Variants in PSG5 observed in about 807,000 individuals in gnomAD.
PSG5 encodes the protein pregnancy-specific beta-1-glycoprotein 5.
Under a neutral mutation model 37.7 loss-of-function variants are expected in PSG5, and 53 were observed. The ratio of observed to expected loss-of-function variants is 1.41; its 90% CI spans 1.13 to 1.77. The LOEUF is 1.77. Ranked by LOEUF, PSG5 falls within the 40% of genes most tolerant of loss-of-function variation. PSG5 has a pLI of 0.00. For synonymous variants in PSG5, 221 were observed against 155.4 expected, an observed-to-expected ratio of 1.42 and a Z score of -3.14; for missense variants, 547 against 405.2, an observed-to-expected ratio of 1.35 and a Z score of -3.00.
rs1411484285 is a variant in PSG5, at chr19:43,185,131, GA to G, written c.80del (p.Phe27SerfsTer46). The G allele has an allele frequency of 6.2e-6, 10 of 1,607,056 alleles. No homozygotes were observed. Among genetic ancestry groups the G allele is most frequent in the Non-Finnish European group, 7.7e-6 (9 of 1,176,128 alleles). ...GLLLTASLLNFWNLPITAQVT... is the reference protein window; with the variant it reads ...GLLLTASLLNXWNLPITAQVT... ...CTTGAGCAGTGATAGGCAGGTTCCAGAAGTTTAAAAGTGATGCTAGGAGGTG... is the reference window on the plus strand; with the variant it reads ...CTTGAGCAGTGATAGGCAGGTTCCAGAGTTTAAAAGTGATGCTAGGAGGTG... On this transcript the variant is annotated frameshift_variant, in exon 2 of 6. Transcript: ENST00000342951. LOFTEE classifies it high-confidence loss of function.
rs761661335 is a variant in PSG5, at chr19:43,168,397, C to T, written c.*41-194G>A. On this transcript the variant is annotated intron_variant, in intron 5 of 5. Transcript: ENST00000342951. ...AAAATTTTTTTTTTTGAAATGGAGTCTCACTCTGTCACCCAGGCTGGAGTG... is the reference window on the plus strand; with the variant it reads ...AAAATTTTTTTTTTTGAAATGGAGTTTCACTCTGTCACCCAGGCTGGAGTG... Among the ~76,000 whole-genome samples the T allele has an allele frequency of 1.4e-3, 213 of 151,036 alleles. 5 individuals are homozygous for T. Among genetic ancestry groups the T allele is most frequent in the Non-Finnish European group, 1.9e-3 (132 of 67,768 alleles).
At chr19:43,176,296 C>T in intron 2 of PSG5, 148 bp from the exon 3 acceptor site, 3 of 1,410,214 alleles carry the variant, frequency 2.1e-6, no homozygotes, top group Non-Finnish European at 2.9e-6. Flanking sequence ...AAGATAGATG[C>T]ATGATGATCT....
At chr19:43,181,925 A>G (rs1282782085) in intron 2 of PSG5, among the ~76,000 whole-genome samples, 1 of 151,704 alleles carries the variant, frequency 6.6e-6, no homozygotes, top group East Asian at 1.9e-4. Context: ...TGGAGTCACG[A>G]GTGAAACAGT....
rs2883677 is a variant in PSG5, at chr19:43,169,566, C to G, written c.*40+489G>C. Among the ~76,000 whole-genome samples, 28 of 151,674 alleles carry G rather than the reference C, an allele frequency of 1.8e-4. No individual in the cohort carries two copies. The East Asian group carries it at 2.9e-3, about 16-fold the overall frequency. On this transcript the variant is annotated intron_variant, in intron 5 of 5. Coordinates refer to ENST00000342951, the MANE Select transcript of PSG5 (RefSeq NM_002781.4). ...GAGGTAAAGGAAGTGAGAAGGCTTA[C>G]TAAATAGAAGAAATGTGAACTTATC...
At chr19:43,175,568 A>G (rs1599747493) in intron 3 of PSG5, 99 bp from the exon 4 acceptor site, 1 of 1,498,544 alleles carries the variant, frequency 6.7e-7, no homozygotes, top group East Asian at 2.3e-5. Context: ...GCCAAGACAC[A>G]CCCTCAAGTC....
chr19:43,186,339 C>T lies in PSG5; in HGVS notation c.64+3G>A. 6.2e-7 allele frequency: 1 copy of T among 1,612,198 alleles called. No homozygotes were observed. The highest frequency in any genetic ancestry group is 8.5e-7 in the Non-Finnish European group (1 of 1,178,856). On this transcript the variant is annotated splice_donor_region_variant and intron_variant, in intron 1 of 5. Coordinates refer to ENST00000342951, the MANE Select transcript of PSG5 (RefSeq NM_002781.4). ...GTCCTCTCCCAGGAAGTTCTCTCCT[C>T]ACCTGTGAGCAGGAGCCCCTTCCAG...
chr19:43,175,380 G>A lies in PSG5; in HGVS notation c.799C>T (p.Pro267Ser). The stretch of plus-strand genomic sequence containing the variant: ...ATTGTCCAAAAATACTCTGCCGGTG[G>A]GTTAGATTCCGCGAAGCAGGACAAG... ...LYLSCFAESN[P>S]PAEYFWTING... The change falls in exon 4 of 6, where the codon CCA (proline) becomes TCA (serine). Residue 267 changes from proline (P) to serine (S), a missense_variant. By Grantham distance (74) the Pro-to-Ser change is moderately conservative (BLOSUM62 -1). Transcript: ENST00000342951. 1 of 1,612,856 alleles carries A rather than the reference G, an allele frequency of 6.2e-7. No homozygotes were observed. The highest frequency in any genetic ancestry group is 1.1e-5 in the South Asian group (1 of 91,060).
At chr19:43,184,761 G>A (rs763920367) in intron 2 of PSG5, 21 bp downstream of exon 2, 2 of 1,611,768 alleles carry the variant, frequency 1.2e-6, no homozygotes, top group Non-Finnish European at 1.7e-6. Context: ...CAACACCCAG[G>A]GATCATGTGG....
In PSG5 at chr19:43,185,710, G is replaced by C. The variant is rs1228758419; in HGVS notation, c.65-563C>G. On this transcript the variant is annotated intron_variant, in intron 1 of 5. Coordinates refer to ENST00000342951, the MANE Select transcript of PSG5 (RefSeq NM_002781.4). ...GCTGCAGACTCCTGCAGATGTGAGAGTTCTCAGGGCCCTCCACACCCTTGG... is the reference window on the plus strand; with the variant it reads ...GCTGCAGACTCCTGCAGATGTGAGACTTCTCAGGGCCCTCCACACCCTTGG... Among the ~76,000 whole-genome samples, 4 of 151,744 alleles carry C rather than the reference G, an allele frequency of 2.6e-5. No homozygotes were observed. In the East Asian group the frequency reaches 7.7e-4, roughly 29 times the overall value.
chr19:43,169,545 T>TAA (rs1242619017), intron 5 of PSG5, among the ~76,000 whole-genome samples: 4 of 151,410 alleles, frequency 2.6e-5, no homozygotes, highest in Non-Finnish European at 5.9e-5. Flanking sequence ...GAAGTAGAGG[T>TAA]AAAGGAAGTG....
At position 43,175,949 on chromosome 19, in the gene PSG5, A is replaced by G. The variant is rs1418407714; in HGVS notation, c.630T>C (p.Asn210=). ...TTTCACATTCATAGGGTCCTGTTTCATTTCTCGTGACACTGGGTAGAATGA... is the reference window on the plus strand; with the variant it reads ...TTTCACATTCATAGGGTCCTGTTTCGTTTCTCGTGACACTGGGTAGAATGA... ...RILILPSVTR[N]ETGPYECEIR... is the part of the protein sequence containing the mutation. Residue 210 remains asparagine, a synonymous_variant, in exon 3 of 6, where the codon AAT becomes AAC. Transcript: ENST00000342951. 1.9e-5 allele frequency: 31 copies of G among 1,612,150 alleles called. 1 individual carries two copies. The highest frequency in any genetic ancestry group is 4.4e-5 in the South Asian group (4 of 91,034).
In PSG5 at chr19:43,176,233, C is replaced by T. The variant is rs1301624850; in HGVS notation, c.431-85G>A. The T allele has an allele frequency of 1.3e-5, 21 of 1,564,862 alleles. 1 individual carries two copies. The highest frequency in any genetic ancestry group is 1.7e-5 in the Non-Finnish European group (20 of 1,153,360). ...TCCTTCAATCAGAGTTGGCATCTCCCACCTGTCAACCCACCAGAGTCCTTG... is the reference window on the plus strand; with the variant it reads ...TCCTTCAATCAGAGTTGGCATCTCCTACCTGTCAACCCACCAGAGTCCTTG... On this transcript the variant is annotated intron_variant, in intron 2 of 5. Coordinates refer to ENST00000342951, the MANE Select transcript of PSG5 (RefSeq NM_002781.4).
In PSG5 at chr19:43,176,582, A is replaced by G. The variant is rs140033242; in HGVS notation, c.431-434T>C. ...CAGCTCCCATTTCCAAGGACATTCTAGAGATGAGTAATAATGGGACTTCCC... is the reference window on the plus strand; with the variant it reads ...CAGCTCCCATTTCCAAGGACATTCTGGAGATGAGTAATAATGGGACTTCCC... On this transcript the variant is annotated intron_variant, in intron 2 of 5. Transcript: ENST00000342951. Among the ~76,000 whole-genome samples, 531 of 151,560 alleles carry G rather than the reference A, an allele frequency of 3.5e-3. 26 individuals carry two copies. Among genetic ancestry groups the G allele is most frequent in the African/African-American group, 0.012 (506 of 41,180 alleles).
rs756622738 is a variant in PSG5, at chr19:43,170,075, C to G, written c.*20G>C. Reference sequence around the variant, plus strand: ...CATACCTGCCAGTCTTCCTGAAATACAGAAATGACTTCACGGCTGCTATAT... The same window carrying G: ...CATACCTGCCAGTCTTCCTGAAATAGAGAAATGACTTCACGGCTGCTATAT... On this transcript the variant is annotated 3_prime_UTR_variant, in exon 5 of 6. Coordinates refer to ENST00000342951, the MANE Select transcript of PSG5 (RefSeq NM_002781.4). The G allele has an allele frequency of 6.4e-7, 1 of 1,563,356 alleles. No individual in the cohort carries two copies. Among genetic ancestry groups the G allele is most frequent in the East Asian group, 2.3e-5 (1 of 43,538 alleles).
At position 43,184,937 on chromosome 19, in the gene PSG5, C is replaced by T. The variant is rs781402237; in HGVS notation, c.275G>A (p.Gly92Glu). The T allele has an allele frequency of 6.2e-7, 1 of 1,612,326 alleles. No individual in the cohort carries two copies. Among genetic ancestry groups the T allele is most frequent in the Non-Finnish European group, 8.5e-7 (1 of 1,179,114 alleles). The change falls in exon 2 of 6, where the codon GGG (glycine) becomes GAG (glutamate). Residue 92 changes from glycine to glutamate, a missense_variant. Gly to Glu is a moderately conservative substitution (Grantham distance 98). Coordinates refer to ENST00000342951, the MANE Select transcript of PSG5 (RefSeq NM_002781.4). Reference protein sequence around the residue: ...YVVDGQINIYGPAYTGRETVY... With the variant: ...YVVDGQINIYEPAYTGRETVY... ...TGTTTCTCGTCCAGTGTATGCAGGCCCATATATATTTATTTGACCGTCTAC... is the reference window on the plus strand; with the variant it reads ...TGTTTCTCGTCCAGTGTATGCAGGCTCATATATATTTATTTGACCGTCTAC...
At chr19:43,173,379 TTA>T (rs1333360454) in intron 4 of PSG5, among the ~76,000 whole-genome samples, 5 of 151,638 alleles carry the variant, frequency 3.3e-5, no homozygotes, top group Non-Finnish European at 7.4e-5. Context: ...TCAAAACCTT[TTA>T]TATATCAAAG....
Position 43,170,079 on chromosome 19 carries a change from A to G in PSG5, c.*16T>C, listed in dbSNP as rs374151000. On this transcript the variant is annotated 3_prime_UTR_variant, in exon 5 of 6. Coordinates refer to ENST00000342951, the MANE Select transcript of PSG5 (RefSeq NM_002781.4). ...CCTGCCAGTCTTCCTGAAATACAGA[A>G]ATGACTTCACGGCTGCTATATTGGA... The G allele has an allele frequency of 1.2e-5, 19 of 1,568,670 alleles. No individual in the cohort carries two copies. In the African/African-American group the frequency reaches 2.5e-4, roughly 20 times the overall value.
rs1421407016 is a variant in PSG5, at chr19:43,176,065, T to C, written c.514A>G (p.Lys172Glu). ...KDVLAFTCEPKSENYTYIWWL... is the reference protein window; with the variant it reads ...KDVLAFTCEPESENYTYIWWL... ...CAAATGTAGGTGTAGTTCTCACTCT[T>C]AGGTTCACAGGTGAAGGCTAAGACA... The change falls in exon 3 of 6, where the codon AAG (lysine) becomes GAG (glutamate). Residue 172 changes from lysine to glutamate, a missense_variant. Physicochemically the swap from Lys to Glu is moderately conservative, Grantham distance 56. Transcript: ENST00000342951. 2 of 1,611,054 alleles carry C rather than the reference T, an allele frequency of 1.2e-6. No homozygotes were observed. The highest frequency in any genetic ancestry group is 1.1e-5 in the South Asian group (1 of 90,972).
intron 4 of PSG5, 103 bp downstream of exon 4, chr19:43,175,112 A>C: frequency 1.9e-6 from 3 of 1,604,508 alleles, no homozygotes; most frequent in Non-Finnish European, 2.6e-6. Flanking sequence ...GCTTGTGCCC[A>C]TGGGACACAG....
Sources: gnomAD v4.1 joint callset for allele counts (sites outside exome capture counted in the v4.1 genomes callset) on GRCh38, gnomAD v4.1.1 for gene constraint, MANE v1.5 for transcripts, NCBI Gene and HGNC (gene_info 2026-07-23, HGNC 2026-07-21) for gene names.